GRIN2B: variants seen among roughly 807,000 people sequenced by gnomAD.
GRIN2B encodes glutamate ionotropic receptor NMDA type subunit 2B, also known as glutamate receptor ionotropic, NMDA 2B.
GRIN2B carries 5 observed loss-of-function variants against 114.5 expected under a neutral mutation model. The observed-to-expected ratio is 0.04, with a 90% CI of 0.02 to 0.09. The LOEUF is 0.09. Ranked by LOEUF, GRIN2B falls within the 10% of genes least tolerant of loss-of-function variation. GRIN2B has a pLI of 1.00. For missense variants in GRIN2B, 1,108 were observed against 1,943.5 expected (o/e 0.57, Z 8.08); for synonymous variants, 787 against 745.1 (o/e 1.06, Z -0.92).
chr12:13,687,309 C>T (rs11832541), intron 4 of GRIN2B, among the ~76,000 whole-genome samples: 3,972 of 152,130 alleles, frequency 0.026, 161 homozygotes, highest in African/African-American at 0.083. Flanking sequence ...TAGCAAGTCC[C>T]TTTTTTGTAC....
intron 2 of GRIN2B, among the ~76,000 whole-genome samples, chr12:13,931,606 G>A (rs970859954): frequency 2.6e-5 from 4 of 152,180 alleles, no homozygotes; most frequent in African/African-American, 9.6e-5. Context: ...GATATGTCTA[G>A]TTCTGACTTC....
At chr12:13,856,489 G>A (rs956790613) in intron 3 of GRIN2B, among the ~76,000 whole-genome samples, 3 of 152,076 alleles carry the variant, frequency 2.0e-5, no homozygotes, top group Non-Finnish European at 4.4e-5. Context: ...GGAGTTGAGG[G>A]GACAAATTGG....
chr12:13,700,610 C>T (rs978509027), intron 4 of GRIN2B, among the ~76,000 whole-genome samples: 2 of 152,114 alleles, frequency 1.3e-5, no homozygotes, highest in African/African-American at 4.8e-5. Context: ...AGAATTGAGT[C>T]CTGGTGACTC....
chr12:13,711,510 A>G (rs1337839099), intron 4 of GRIN2B, among the ~76,000 whole-genome samples: 1 of 152,188 alleles, frequency 6.6e-6, no homozygotes, highest in Admixed American at 6.5e-5. Context: ...AGAATCTACA[A>G]TGAACTCCAA....
At chr12:13,690,445 A>G (rs1005621539) in intron 4 of GRIN2B, among the ~76,000 whole-genome samples, 1 of 151,722 alleles carries the variant, frequency 6.6e-6, no homozygotes, top group African/African-American at 2.4e-5. Context: ...TAATTCCTCC[A>G]ATTATTAATT....
At chr12:13,945,973 C>A (rs1443794340) in intron 2 of GRIN2B, among the ~76,000 whole-genome samples, 2 of 152,152 alleles carry the variant, frequency 1.3e-5, no homozygotes, top group African/African-American at 4.8e-5. Context: ...GAACAAGCCT[C>A]ATTTGGGAAC....
intron 3 of GRIN2B, among the ~76,000 whole-genome samples, chr12:13,845,971 C>G (rs916833896): frequency 1.3e-5 from 2 of 152,162 alleles, no homozygotes; most frequent in Non-Finnish European, 2.9e-5. Context: ...CACCCTGAAC[C>G]CTGTGCATTT....
At chr12:13,969,814 TCAAAG>T (rs1835388427) in intron 2 of GRIN2B, among the ~76,000 whole-genome samples, 1 of 152,182 alleles carries the variant, frequency 6.6e-6, no homozygotes, top group Non-Finnish European at 1.5e-5. Context: ...TATGTTGAAA[TCAAAG>T]CAGCTTTGTA....
chr12:13,616,612 A>G lies in GRIN2B; in HGVS notation c.1171T>C (p.Trp391Arg). Residue 391 changes from tryptophan to arginine, a missense_variant, in exon 6 of 14, where the codon TGG becomes CGG. Trp to Arg is a moderately radical substitution (Grantham distance 101). Around this residue, in one of 19 missense-constraint regions of GRIN2B, gnomAD observed 21 missense variants for 25.4 expected, o/e 0.83. Coordinates refer to ENST00000609686, the MANE Select transcript of GRIN2B (RefSeq NM_000834.5). ...TCAGTCTCTGGACACATTCGGGGCC[A>G]CACATAGTACTTCATCTGCAGGGAC... is the stretch of plus-strand genomic sequence containing the variant. ...DKSLQMKYYV[W>R]PRMCPETEEQ... 1 of 1,614,120 alleles carries G rather than the reference A, an allele frequency of 6.2e-7. No homozygotes were observed. The highest frequency in any genetic ancestry group is 8.5e-7 in the Non-Finnish European group (1 of 1,179,952).
chr12:13,702,536 A>G (rs1201547999), intron 4 of GRIN2B, among the ~76,000 whole-genome samples: 2 of 152,204 alleles, frequency 1.3e-5, no homozygotes, highest in African/African-American at 2.4e-5. Context: ...TAAACCAGGA[A>G]GCACAGCTGT....
At chr12:13,604,182 T>G (rs926268353) in intron 10 of GRIN2B, among the ~76,000 whole-genome samples, 1 of 152,200 alleles carries the variant, frequency 6.6e-6, no homozygotes, top group Non-Finnish European at 1.5e-5. Context: ...GGGGAGCTGA[T>G]GGAACGTACA....
At chr12:13,933,603 G>T (rs914755795) in intron 2 of GRIN2B, among the ~76,000 whole-genome samples, 1 of 152,100 alleles carries the variant, frequency 6.6e-6, no homozygotes, top group Non-Finnish European at 1.5e-5. Context: ...TGGTACCTCT[G>T]CAAGAAGGGT....
intron 2 of GRIN2B, among the ~76,000 whole-genome samples, chr12:13,952,943 C>T (rs574546256): frequency 6.6e-5 from 10 of 151,148 alleles, no homozygotes; most frequent in East Asian, 2.0e-4. Flanking sequence ...CAGTGTATTA[C>T]GCTCACAAAT....
At chr12:13,886,531 T>C (rs1395911097) in intron 2 of GRIN2B, among the ~76,000 whole-genome samples, 1 of 152,052 alleles carries the variant, frequency 6.6e-6, no homozygotes, top group African/African-American at 2.4e-5. Flanking sequence ...CAGAGGAGTA[T>C]TGATGAACAA....
At chr12:13,701,410 T>G (rs1369495273) in intron 4 of GRIN2B, among the ~76,000 whole-genome samples, 1 of 150,836 alleles carries the variant, frequency 6.6e-6, no homozygotes, top group East Asian at 2.0e-4. Context: ...GACTTCTGCC[T>G]AAAGTACCAC....
At chr12:13,576,186 G>A (rs906499755) in intron 10 of GRIN2B, among the ~76,000 whole-genome samples, 1 of 152,154 alleles carries the variant, frequency 6.6e-6, no homozygotes, top group Non-Finnish European at 1.5e-5. Flanking sequence ...ATTGGAACTT[G>A]AACTGTACTA....
At chr12:13,578,840 T>C (rs530978025) in intron 10 of GRIN2B, among the ~76,000 whole-genome samples, 8 of 152,096 alleles carry the variant, frequency 5.3e-5, no homozygotes, top group Non-Finnish European at 8.8e-5. Flanking sequence ...GAAGGTGGCA[T>C]CTGAACCGAG....
intron 2 of GRIN2B, among the ~76,000 whole-genome samples, chr12:13,871,302 CAATT>C (rs1034246739): frequency 1.6e-4 from 24 of 150,596 alleles, no homozygotes; most frequent in African/African-American, 5.9e-4. Context: ...AATATGAAAT[CAATT>C]GTCATTTTTC....
At chr12:13,602,895 G>A (rs1362584891) in intron 10 of GRIN2B, among the ~76,000 whole-genome samples, 1 of 152,144 alleles carries the variant, frequency 6.6e-6, no homozygotes, top group Non-Finnish European at 1.5e-5. Context: ...TATATTTCAG[G>A]CATGTGTCAC....
Sources: gnomAD v4.1 joint callset for allele counts (sites outside exome capture counted in the v4.1 genomes callset) on GRCh38, gnomAD v4.1.1 for gene constraint, gnomAD v4.1.1 regional missense constraint, MANE v1.5 for transcripts, NCBI Gene and HGNC (gene_info 2026-07-23, HGNC 2026-07-21) for gene names.